Variants in LCLAT1 observed in about 807,000 individuals in gnomAD.
LCLAT1 encodes the protein lysocardiolipin acyltransferase 1.
In LCLAT1, 11 loss-of-function variants were observed where a neutral mutation model predicts 30.7. The ratio of observed to expected loss-of-function variants is 0.36; its 90% CI spans 0.23 to 0.59. The LOEUF is 0.59. Ranked by LOEUF, LCLAT1 falls within the 20% of genes least tolerant of loss-of-function variation. The pLI is 0.77. For missense variants in LCLAT1, 402 were observed against 458.6 expected (o/e 0.88, Z 1.13); for synonymous variants, 155 against 151.3 (o/e 1.02, Z -0.18).
At chr2:30,513,613 A>G (rs1250045179) in intron 1 of LCLAT1, among the ~76,000 whole-genome samples, 2 of 152,184 alleles carry the variant, frequency 1.3e-5, no homozygotes, top group East Asian at 1.9e-4. Context: ...GTGAAAAGAA[A>G]ATATCTTGGG....
At chr2:30,623,281 C>T (rs751901331) in intron 5 of LCLAT1, among the ~76,000 whole-genome samples, 8 of 152,056 alleles carry the variant, frequency 5.3e-5, no homozygotes, top group Admixed American at 4.6e-4. Flanking sequence ...GTCTCGATCT[C>T]CTGACCTTGT....
chr2:30,450,773 A>G (rs1218849377), intron 1 of LCLAT1, among the ~76,000 whole-genome samples: 1 of 152,216 alleles, frequency 6.6e-6, no homozygotes, highest in Non-Finnish European at 1.5e-5. Context: ...CATAAGCGCA[A>G]ATAAAGGACT....
At chr2:30,536,483 A>G (rs1017819541) in intron 3 of LCLAT1, among the ~76,000 whole-genome samples, 2 of 152,240 alleles carry the variant, frequency 1.3e-5, no homozygotes, top group Non-Finnish European at 2.9e-5. Flanking sequence ...GGGATGATAT[A>G]TTCAACATGC....
At position 30,529,391 on chromosome 2, in the gene LCLAT1, A is replaced by G. The variant is rs1685882483; in HGVS notation, c.165+3636A>G. Among the ~76,000 whole-genome samples the G allele has an allele frequency of 2.0e-5, 3 of 152,362 alleles. No individual in the cohort carries two copies. The South Asian group carries it at 6.2e-4, about 32-fold the overall frequency. On this transcript the variant is annotated intron_variant, in intron 2 of 5. Coordinates refer to ENST00000379509, the MANE Select transcript of LCLAT1 (RefSeq NM_001002257.3). ...AACTCTGTGGGCAAGAATCCGTTCTAGAACTATCTGCAGGGTGACCATTCA... is the reference window on the plus strand; with the variant it reads ...AACTCTGTGGGCAAGAATCCGTTCTGGAACTATCTGCAGGGTGACCATTCA...
chr2:30,482,737 T>G (rs1683380417), intron 1 of LCLAT1, among the ~76,000 whole-genome samples: 2 of 151,700 alleles, frequency 1.3e-5, no homozygotes, highest in Admixed American at 1.3e-4. Context: ...GTAGTTCGAT[T>G]AAGAGCAGCC....
At position 30,638,813 on chromosome 2, in the gene LCLAT1, GT is replaced by G. The variant is rs1669158211; in HGVS notation, c.629-1303del. Among the ~76,000 whole-genome samples the G allele has an allele frequency of 3.3e-5, 3 of 91,962 alleles. No homozygotes were observed. In the African/African-American group the frequency reaches 3.3e-4, roughly 10 times the overall value. 60.3% of individuals were successfully genotyped at this position (91,962 alleles called of 152,430 possible). A position where few individuals can be genotyped will look rare whatever the true frequency, so the allele number is the denominator to read the frequency against. ...CACATCCAGTTGGCCACTGTACGGTGTCACATCCGTCTCCCACATCCAGTTG... is the reference window on the plus strand; with the variant it reads ...CACATCCAGTTGGCCACTGTACGGTGCACATCCGTCTCCCACATCCAGTTG... On this transcript the variant is annotated intron_variant, in intron 5 of 5. Transcript: ENST00000379509.
chr2:30,531,015 C>G (rs1685955366), intron 2 of LCLAT1, among the ~76,000 whole-genome samples: 1 of 152,126 alleles, frequency 6.6e-6, no homozygotes. Context: ...CCTGTAATCC[C>G]AGCACTTTTG....
intron 5 of LCLAT1, among the ~76,000 whole-genome samples, chr2:30,569,464 G>C (rs1001240154): frequency 1.3e-5 from 2 of 152,140 alleles, no homozygotes; most frequent in Non-Finnish European, 2.9e-5. Context: ...GCACATTTCT[G>C]CTCTTCACTC....
chr2:30,520,355 T>A (rs536824309), intron 1 of LCLAT1, among the ~76,000 whole-genome samples: 1 of 152,330 alleles, frequency 6.6e-6, no homozygotes, highest in South Asian at 2.1e-4. Flanking sequence ...AAAAATTTAG[T>A]TTATAATTGT....
At chr2:30,508,779 A>G (rs969275538) in intron 1 of LCLAT1, among the ~76,000 whole-genome samples, 25 of 152,278 alleles carry the variant, frequency 1.6e-4, no homozygotes, top group Middle Eastern at 3.4e-3. Context: ...GATTTTTAAA[A>G]TAGTTTTTTT....
chr2:30,528,000 A>C (rs1054607597), intron 2 of LCLAT1, among the ~76,000 whole-genome samples: 4 of 152,116 alleles, frequency 2.6e-5, no homozygotes, highest in Non-Finnish European at 5.9e-5. Context: ...TATCCTGTTA[A>C]TCCACCTAGC....
At position 30,568,134 on chromosome 2, in the gene LCLAT1, A is replaced by G. The variant is rs1297324734; in HGVS notation, c.586A>G (p.Arg196Gly). Residue 196 changes from arginine (R) to glycine (G), a missense_variant, in exon 5 of 6, where the codon AGA becomes GGA. Physicochemically the swap from Arg to Gly is moderately radical, Grantham distance 125. Transcript: ENST00000379509. ...LQKYEYVLHPRTTGFTFVVDR... is the reference protein window; with the variant it reads ...LQKYEYVLHPGTTGFTFVVDR... ...GAAATATGAATATGTTTTACATCCAAGAACTACAGGCTTTACTTTTGTGGT... is the reference window on the plus strand; with the variant it reads ...GAAATATGAATATGTTTTACATCCAGGAACTACAGGCTTTACTTTTGTGGT... 6.2e-7 allele frequency: 1 copy of G among 1,608,290 alleles called. No homozygotes were observed. The highest frequency in any genetic ancestry group is 1.3e-5 in the African/African-American group (1 of 74,730).
intron 1 of LCLAT1, among the ~76,000 whole-genome samples, chr2:30,480,560 C>G (rs1052890598): frequency 1.3e-5 from 2 of 152,152 alleles, no homozygotes; most frequent in Non-Finnish European, 2.9e-5. Flanking sequence ...GACTTTTTCT[C>G]TTTTTTATAT....
intron 1 of LCLAT1, among the ~76,000 whole-genome samples, chr2:30,509,609 C>G (rs1252636): frequency 0.95 from 144,522 of 151,920 alleles, 68,852 homozygotes; most frequent in East Asian, 1. Flanking sequence ...GTCTCATTGT[C>G]TCCCCCAGGC....
At chr2:30,533,067 A>G (rs761932279) in intron 2 of LCLAT1, 49 bp from the exon 3 acceptor site, 16 of 1,325,348 alleles carry the variant, frequency 1.2e-5, no homozygotes, top group Non-Finnish European at 1.5e-5. Flanking sequence ...AAATTTACCT[A>G]TGGAAAATCA....
At chr2:30,499,474 G>A (rs1021363529) in intron 1 of LCLAT1, among the ~76,000 whole-genome samples, 5 of 152,146 alleles carry the variant, frequency 3.3e-5, no homozygotes, top group Admixed American at 2.0e-4. Context: ...GAGCCACTGC[G>A]CCCAGCCTAC....
intron 3 of LCLAT1, among the ~76,000 whole-genome samples, chr2:30,546,127 A>G (rs576600798): frequency 6.6e-6 from 1 of 152,306 alleles, no homozygotes; most frequent in African/African-American, 2.4e-5. Flanking sequence ...AGAAGCCAGC[A>G]GGAACAGCAT....
At chr2:30,568,673 A>G (rs1352476749) in intron 5 of LCLAT1, among the ~76,000 whole-genome samples, 1 of 151,056 alleles carries the variant, frequency 6.6e-6, no homozygotes, top group East Asian at 1.9e-4. Flanking sequence ...ACGCCCAGCT[A>G]ATTTTTTGTA....
At chr2:30,594,653 A>T (rs1001547521) in intron 5 of LCLAT1, among the ~76,000 whole-genome samples, 3 of 152,204 alleles carry the variant, frequency 2.0e-5, no homozygotes, top group African/African-American at 7.2e-5. Flanking sequence ...CCACTATTGG[A>T]TTAACTATTA....
Sources: allele counts gnomAD v4.1 joint callset (sites outside exome capture counted in the v4.1 genomes callset), GRCh38; gene constraint gnomAD v4.1.1; transcripts MANE v1.5; gene names NCBI Gene and HGNC (gene_info 2026-07-23, HGNC 2026-07-21).